The following NHERF2 variants were observed in gnomAD, a reference collection of about 807,000 sequenced individuals.
The protein encoded by NHERF2 is NHERF family PDZ scaffold protein 2, also known as Na(+)/H(+) exchange regulatory cofactor NHE-RF2.
chr16:2,029,191 A>C, the NHERF2 span, among the ~76,000 whole-genome samples: 1 of 152,234 alleles, frequency 6.6e-6, no homozygotes, highest in Non-Finnish European at 1.5e-5. Flanking sequence ...AAACAGATGG[A>C]TGCATGCGCG....
At chr16:2,038,347 T>C in the NHERF2 span, 2 of 447,242 alleles carry the variant, frequency 4.5e-6, no homozygotes, top group Non-Finnish European at 8.3e-6. Context: ...GTGTTTTTGC[T>C]TTTTTTCCAA....
the NHERF2 span, chr16:2,037,010 G>A: frequency 1.9e-5 from 29 of 1,549,398 alleles, no homozygotes; most frequent in Non-Finnish European, 2.5e-5. Flanking sequence ...TAAGAGGGTG[G>A]GGTGCCCATG....
the NHERF2 span, chr16:2,037,812 C>T: frequency 1.8e-5 from 29 of 1,574,226 alleles, no homozygotes; most frequent in Admixed American, 3.7e-5. Context: ...CCCCACCCAC[C>T]GTGCTCACCC....
chr16:2,036,076 C>T, the NHERF2 span: 2 of 506,252 alleles, frequency 4.0e-6, no homozygotes, highest in Non-Finnish European at 7.0e-6. Context: ...AGGAATTCTC[C>T]CAGCAACCCG....
the NHERF2 span, chr16:2,029,834 C>T: frequency 1.4e-6 from 2 of 1,457,996 alleles, no homozygotes; most frequent in Admixed American, 4.0e-5. Flanking sequence ...CAGAGGCTCT[C>T]TCAGCTTTTG....
the NHERF2 span, chr16:2,035,425 CACACAGGGAG>C: frequency 2.0e-6 from 2 of 985,832 alleles, no homozygotes; most frequent in Non-Finnish European, 2.4e-6. Flanking sequence ...CCCTCAGGGA[CACACAGGGAG>C]GTAGGAGGTG....
the NHERF2 span, chr16:2,038,139 T>G: frequency 2.2e-6 from 2 of 894,698 alleles, no homozygotes; most frequent in Non-Finnish European, 3.4e-6. Context: ...ATCCTGCCCC[T>G]GCCCACCAGG....
chr16:2,037,053 C>T, the NHERF2 span: 25 of 1,534,124 alleles, frequency 1.6e-5, no homozygotes, highest in Middle Eastern at 2.3e-4. Flanking sequence ...TACCCAGGCC[C>T]GACAGAGGCC....
the NHERF2 span, chr16:2,038,431 C>T: frequency 1.2e-5 from 4 of 325,874 alleles, no homozygotes; most frequent in Admixed American, 2.0e-4. Context: ...CTTCCCCTCC[C>T]CCTTGGGACG....
the NHERF2 span, chr16:2,036,107 G>C: frequency 3.4e-4 from 176 of 523,878 alleles, 3 homozygotes; most frequent in East Asian, 5.3e-3. Flanking sequence ...TGGGCCCGTC[G>C]GGGAGGCTTC....
At chr16:2,036,566 G>C in the NHERF2 span, 1 of 1,527,842 alleles carries the variant, frequency 6.5e-7, no homozygotes, top group South Asian at 1.2e-5. Context: ...TGGGGCCCTG[G>C]GTCCTTGCAG....
chr16:2,035,311 G>A, the NHERF2 span: 4 of 761,374 alleles, frequency 5.3e-6, no homozygotes, highest in South Asian at 2.3e-4. Context: ...GAAGGTGGGT[G>A]GCTGGAGGGG....
chr16:2,037,736 C>A, the NHERF2 span: 2 of 1,550,356 alleles, frequency 1.3e-6, no homozygotes, highest in South Asian at 1.2e-5. Context: ...CAGCAGGCAG[C>A]CTCTGTTGGT....
chr16:2,027,221 G>C, the NHERF2 span: 8 of 1,329,462 alleles, frequency 6.0e-6, no homozygotes, highest in African/African-American at 7.6e-5. Context: ...ACCACCAGGT[G>C]GGGGCCAGCG....
At chr16:2,030,948 CA>C in the NHERF2 span, among the ~76,000 whole-genome samples, 2 of 151,816 alleles carry the variant, frequency 1.3e-5, no homozygotes, top group African/African-American at 2.4e-5. Flanking sequence ...CAAAAAAAAA[CA>C]AAAAAAGGAA....
the NHERF2 span, among the ~76,000 whole-genome samples, chr16:2,031,626 G>C: frequency 6.6e-6 from 1 of 152,156 alleles, no homozygotes; most frequent in African/African-American, 2.4e-5. Flanking sequence ...AGGGTGGCCT[G>C]AGTGGCAGGT....
the NHERF2 span, among the ~76,000 whole-genome samples, chr16:2,034,149 G>A: frequency 1.3e-5 from 2 of 152,184 alleles, no homozygotes; most frequent in African/African-American, 2.4e-5. Context: ...AAGGGCTGCC[G>A]GGCCAGCACT....
chr16:2,029,681 G>A, the NHERF2 span: 34 of 1,562,934 alleles, frequency 2.2e-5, no homozygotes, highest in African/African-American at 1.1e-4. Flanking sequence ...GACCTGTACC[G>A]AGGAGATGGC....
chr16:2,029,589 AAAGGATC>A, the NHERF2 span: 1 of 1,574,020 alleles, frequency 6.4e-7, no homozygotes, highest in Non-Finnish European at 8.6e-7. Context: ...CAGGTGGTGC[AAAGGATC>A]AAGGCTGTGG....
Sources: gnomAD v4.1 joint callset for allele counts (sites outside exome capture counted in the v4.1 genomes callset) on GRCh38, gnomAD v4.1.1 for gene constraint, MANE v1.5 for transcripts, NCBI Gene and HGNC (gene_info 2026-07-23, HGNC 2026-07-21) for gene names.